IQCH: variants seen among roughly 807,000 people sequenced by gnomAD.
The protein encoded by IQCH is IQ motif containing H.
Under a neutral mutation model 117.0 loss-of-function variants are expected in IQCH, and 98 were observed. The ratio of observed to expected loss-of-function variants is 0.84; its 90% CI spans 0.71 to 0.99. The LOEUF (loss-of-function observed/expected upper bound fraction) is 0.99, where lower values mean the gene tolerates loss of function less well. Ranked by LOEUF, IQCH falls within the 50% of genes least tolerant of loss-of-function variation. IQCH has a pLI of 0.00. For missense variants in IQCH, 1,102 were observed against 1,243.8 expected (o/e 0.89, Z 1.72); for synonymous variants, 412 against 448.2 (o/e 0.92, Z 1.02).
chr15:67,264,505 C>T (rs1965588632), intron 3 of IQCH, among the ~76,000 whole-genome samples: 1 of 152,182 alleles, frequency 6.6e-6, no homozygotes. Flanking sequence ...TAGTTACTGG[C>T]AGGCCTTTGT....
intron 6 of IQCH, among the ~76,000 whole-genome samples, chr15:67,348,355 T>TCACA (rs56134528): frequency 0.058 from 8,528 of 147,492 alleles, 457 homozygotes; most frequent in African/African-American, 0.13. Context: ...TCGCAAGCCA[T>TCACA]CACACACACA....
intron 3 of IQCH, among the ~76,000 whole-genome samples, chr15:67,272,842 T>G (rs1965958455): frequency 6.6e-6 from 1 of 152,180 alleles, no homozygotes; most frequent in African/African-American, 2.4e-5. Context: ...CAGCATATAG[T>G]TGGGTCTTGT....
intron 14 of IQCH, among the ~76,000 whole-genome samples, chr15:67,415,940 G>A (rs2081565147): frequency 6.6e-6 from 1 of 152,130 alleles, no homozygotes; most frequent in South Asian, 2.1e-4. Flanking sequence ...GTGTGTACAT[G>A]TAGTCCCAGC....
rs575759175 is a variant in IQCH at position 67,496,280 on chromosome 15, A to G, written c.2970+1914A>G. On this transcript the variant is annotated intron_variant, in intron 20 of 20. Coordinates refer to ENST00000335894, the MANE Select transcript of IQCH (RefSeq NM_001031715.3). The surrounding 1 kb of genome is among the most constrained non-coding windows in gnomAD (Gnocchi z 4.4). The stretch of plus-strand genomic sequence containing the variant: ...TGCAGTGAGTCTGGGTGATGGGAGT[A>G]AGAATAAAAAAAAGGAAGATAATGC... 2.6e-5 allele frequency among the ~76,000 whole-genome samples: 4 copies of G among 152,298 alleles called. No homozygotes were observed. The East Asian group carries it at 7.7e-4, about 29-fold the overall frequency.
rs1198737632 is a variant in IQCH at position 67,401,581 on chromosome 15, A to G, written c.2097+1276A>G. ...GGAGGGGCACACTTGAGGGAACCAC[A>G]TTATTCTTGGAAAGTGGAGTGATGA... On this transcript the variant is annotated intron_variant, in intron 14 of 20. Coordinates refer to ENST00000335894, the MANE Select transcript of IQCH (RefSeq NM_001031715.3). This position sits in a 1 kb window ranked among gnomAD's most constrained non-coding sequence, Gnocchi z 4.7. Among the ~76,000 whole-genome samples, 3 of 152,182 alleles carry G rather than the reference A, an allele frequency of 2.0e-5. No homozygotes were observed. The highest frequency in any genetic ancestry group is 1.9e-4 in the East Asian group (1 of 5,196).
chr15:67,389,548 CAAG>C (rs1567148602), intron 12 of IQCH, among the ~76,000 whole-genome samples: 1 of 151,728 alleles, frequency 6.6e-6, no homozygotes, highest in Non-Finnish European at 1.5e-5. Flanking sequence ...TATTCCTAGA[CAAG>C]AACCATTGGG....
intron 6 of IQCH, among the ~76,000 whole-genome samples, chr15:67,348,712 A>G (rs533368410): frequency 1.3e-5 from 2 of 152,346 alleles, no homozygotes; most frequent in East Asian, 3.9e-4. Flanking sequence ...TATAAATTCA[A>G]TGCAGTCCCA....
chr15:67,260,946 AT>A (rs1965430780), intron 1 of IQCH, among the ~76,000 whole-genome samples: 1 of 151,990 alleles, frequency 6.6e-6, no homozygotes, highest in Non-Finnish European at 1.5e-5. Context: ...AAATACAAAA[AT>A]TAGCCGGGTG....
At chr15:67,478,807 C>G (rs1211084883) in intron 18 of IQCH, among the ~76,000 whole-genome samples, 3 of 151,890 alleles carry the variant, frequency 2.0e-5, no homozygotes, top group Non-Finnish European at 4.4e-5. Context: ...GCCTGTAATC[C>G]TAGCTACTCG....
rs1465719221 is a variant in IQCH at position 67,395,209 on chromosome 15, T to C, written c.1633-82T>C. 1.5e-5 allele frequency: 21 copies of C among 1,385,882 alleles called. No individual in the cohort carries two copies. Among genetic ancestry groups the C allele is most frequent in the Non-Finnish European group, 2.1e-5 (21 of 1,015,168 alleles). The allele number at this position is 1,385,882 out of a possible 1,614,324, so 85.8% of individuals were successfully genotyped here. ...CCCAGCCTGCTATTAATAATGTATTTATTATGTGCAACATTATAAATTAGG... is the reference window on the plus strand; with the variant it reads ...CCCAGCCTGCTATTAATAATGTATTCATTATGTGCAACATTATAAATTAGG... On this transcript the variant is annotated intron_variant, in intron 12 of 20. Transcript: ENST00000335894. This position sits in a 1 kb window ranked among gnomAD's most constrained non-coding sequence, Gnocchi z 4.0.
chr15:67,395,357 C>G lies in IQCH; in HGVS notation c.1699C>G (p.Leu567Val). 1.2e-6 allele frequency: 2 copies of G among 1,614,014 alleles called. No homozygotes were observed. Among genetic ancestry groups the G allele is most frequent in the Non-Finnish European group, 1.7e-6 (2 of 1,179,954 alleles). The change falls in exon 13 of 21, where the codon CTC (leucine) becomes GTC (valine). Residue 567 changes from leucine (L) to valine (V), a missense_variant. Leu to Val is a conservative substitution (Grantham distance 32, BLOSUM62 1). Transcript: ENST00000335894. The surrounding 1 kb of genome is among the most constrained non-coding windows in gnomAD (Gnocchi z 4.0). ...CAAGGCAATCAAAAGAATAAAAAAT[C>G]TCATCCGAGGAACAGAGGCCTACAT... The part of the protein sequence containing the change: ...SPKAIKRIKN[L>V]IRGTEAYIVS...
chr15:67,429,211 C>T (rs1391896089), intron 16 of IQCH, among the ~76,000 whole-genome samples: 1 of 152,170 alleles, frequency 6.6e-6, no homozygotes, highest in Non-Finnish European at 1.5e-5. Flanking sequence ...GTGTTTTCTG[C>T]AAAAGTAAAC....
intron 9 of IQCH, 67 bp downstream of exon 9, chr15:67,372,729 A>G: frequency 7.3e-7 from 1 of 1,371,538 alleles, no homozygotes; most frequent in Non-Finnish European, 1.0e-6. Context: ...GAGCGGTTGT[A>G]ATAAGTTGTC....
At position 67,454,072 on chromosome 15, in the gene IQCH, G is replaced by A. The variant is rs777016845; in HGVS notation, c.2506-11055G>A. 3.9e-5 allele frequency among the ~76,000 whole-genome samples: 6 copies of A among 152,188 alleles called. No individual in the cohort carries two copies. The highest frequency in any genetic ancestry group is 5.9e-5 in the Non-Finnish European group (4 of 68,020). On this transcript the variant is annotated intron_variant, in intron 16 of 20. Transcript: ENST00000335894. The surrounding 1 kb of genome is among the most constrained non-coding windows in gnomAD (Gnocchi z 5.2). Reference sequence around the variant, plus strand: ...TCCTGGTGTGCTGTTTTTTAAGCCCGTTGGAAAAGCGCAGTATTAGGGTGG... The same window carrying A: ...TCCTGGTGTGCTGTTTTTTAAGCCCATTGGAAAAGCGCAGTATTAGGGTGG...
intron 4 of IQCH, chr15:67,304,461 T>A: frequency 7.1e-7 from 1 of 1,402,930 alleles, no homozygotes; most frequent in Non-Finnish European, 9.7e-7. Flanking sequence ...CATGTGTAAG[T>A]AATGAGTTGT....
At chr15:67,260,866 G>A (rs1965426933) in intron 1 of IQCH, among the ~76,000 whole-genome samples, 1 of 152,082 alleles carries the variant, frequency 6.6e-6, no homozygotes, top group Admixed American at 6.5e-5. Flanking sequence ...GGGAGGCCGA[G>A]GTGGGAAGAT....
chr15:67,357,043 T>C (rs1404789533), intron 6 of IQCH, among the ~76,000 whole-genome samples: 2 of 152,244 alleles, frequency 1.3e-5, no homozygotes, highest in African/African-American at 4.8e-5. Context: ...AGACAGATAT[T>C]ACTCTCTAAT....
Position 67,390,331 on chromosome 15 carries a change from A to G in IQCH, c.1632+1325A>G, listed in dbSNP as rs181582618. ...GTTAAATTCCTGATTTTCTCCAGCC[A>G]GAAAATTGATCTAATGGCTGCTAAC... On this transcript the variant is annotated intron_variant, in intron 12 of 20. Transcript: ENST00000335894. This position sits in a 1 kb window ranked among gnomAD's most constrained non-coding sequence, Gnocchi z 5.0. Among the ~76,000 whole-genome samples the G allele has an allele frequency of 6.6e-6, 1 of 152,208 alleles. No homozygotes were observed. Among genetic ancestry groups the G allele is most frequent in the Non-Finnish European group, 1.5e-5 (1 of 68,038 alleles).
intron 3 of IQCH, among the ~76,000 whole-genome samples, chr15:67,270,685 T>G (rs1303145860): frequency 2.0e-5 from 3 of 152,164 alleles, no homozygotes; most frequent in Admixed American, 2.0e-4. Flanking sequence ...TCCCCTTACC[T>G]TCTACCATGA....
Sources: allele counts gnomAD v4.1 joint callset (sites outside exome capture counted in the v4.1 genomes callset), GRCh38; gene constraint gnomAD v4.1.1; non-coding constraint Gnocchi (gnomAD v3.1); transcripts MANE v1.5; gene names NCBI Gene and HGNC (gene_info 2026-07-23, HGNC 2026-07-21).